The following FBXO10 variants were observed in gnomAD, a reference collection of about 807,000 sequenced individuals.
FBXO10 encodes the protein F-box protein 10, also known as F-box only protein 10.
In FBXO10, 39 loss-of-function variants were observed where a neutral mutation model predicts 80.7. The ratio of observed to expected loss-of-function variants is 0.48; its 90% CI spans 0.37 to 0.63. The LOEUF is 0.63. FBXO10 is among the 30% of genes least tolerant of loss of function. FBXO10 has a pLI of 0.00. For missense variants in FBXO10, 1,025 were observed against 1,269.0 expected, an observed-to-expected ratio of 0.81 and a Z score of 2.92; for synonymous variants, 449 against 489.6, an observed-to-expected ratio of 0.92 and a Z score of 1.09.
intron 1 of FBXO10, among the ~76,000 whole-genome samples, chr9:37,559,943 G>C (rs1822435996): frequency 6.6e-6 from 1 of 152,200 alleles, no homozygotes; most frequent in South Asian, 2.1e-4. Flanking sequence ...GGCTGAAAGA[G>C]CATATGAAAC....
chr9:37,523,031 G>A, intron 6 of FBXO10, 54 bp from the exon 7 acceptor site: 2 of 1,556,868 alleles, frequency 1.3e-6, no homozygotes, highest in Admixed American at 1.9e-5. Context: ...CTCCAGTGCT[G>A]GCAAATAGGA....
At chr9:37,519,960 C>T (rs1172152217) in intron 8 of FBXO10, among the ~76,000 whole-genome samples, 1 of 152,114 alleles carries the variant, frequency 6.6e-6, no homozygotes, top group Non-Finnish European at 1.5e-5. Context: ...GTAGTTGGAA[C>T]TACAGGCATG....
chr9:37,572,052 T>G lies in FBXO10; in HGVS notation c.-7+4159A>C, dbSNP rs114043455. ...GAGAGATCTCTTGAGCCTAGGAGGTTGAGGCTACAGTAAGCCATGATCACG... is the reference window on the plus strand; with the variant it reads ...GAGAGATCTCTTGAGCCTAGGAGGTGGAGGCTACAGTAAGCCATGATCACG... On this transcript the variant is annotated intron_variant, in intron 1 of 10. Transcript: ENST00000432825. Among the ~76,000 whole-genome samples, 1,314 of 151,842 alleles carry G rather than the reference T, an allele frequency of 8.7e-3. 11 individuals are homozygous for G. Among genetic ancestry groups the G allele is most frequent in the African/African-American group, 0.03 (1,229 of 41,368 alleles).
chr9:37,549,973 T>C (rs2119151878), intron 1 of FBXO10, among the ~76,000 whole-genome samples: 1 of 152,196 alleles, frequency 6.6e-6, no homozygotes, highest in South Asian at 2.1e-4. Context: ...CAAAGAACAC[T>C]AAAAACAGTA....
At position 37,525,190 on chromosome 9, in the gene FBXO10, C is replaced by T; in HGVS notation, c.1707-18G>A. The stretch of plus-strand genomic sequence containing the variant: ...GGTTCCCGCTAAAGTGGAAGGAAAA[C>T]AAAACAAAGAGGTGAGCCCAGGGCA... On this transcript the variant is annotated intron_variant, in intron 5 of 10. Coordinates refer to ENST00000432825, the MANE Select transcript of FBXO10 (RefSeq NM_012166.3). The T allele has an allele frequency of 6.4e-7, 1 of 1,556,132 alleles. No individual in the cohort carries two copies. The highest frequency in any genetic ancestry group is 8.7e-7 in the Non-Finnish European group (1 of 1,149,500).
intron 9 of FBXO10, among the ~76,000 whole-genome samples, chr9:37,517,565 G>GACCAAGCCC (rs1821217378): frequency 2.2e-4 from 34 of 151,918 alleles, no homozygotes; most frequent in African/African-American, 6.0e-4. Flanking sequence ...GCTCTGTGAG[G>GACCAAGCCC]TATGTGTGGA....
chr9:37,555,771 T>C (rs1280306923), intron 1 of FBXO10, among the ~76,000 whole-genome samples: 1 of 152,176 alleles, frequency 6.6e-6, no homozygotes, highest in African/African-American at 2.4e-5. Context: ...TCTTTGAATA[T>C]TTTCTCCCAA....
intron 1 of FBXO10, among the ~76,000 whole-genome samples, chr9:37,552,260 C>T (rs542768828): frequency 1.3e-4 from 20 of 152,296 alleles, no homozygotes; most frequent in African/African-American, 4.1e-4. Context: ...ATGCATTATC[C>T]GTTTCCAAGT....
At chr9:37,542,619 G>A (rs995161251) in intron 1 of FBXO10, among the ~76,000 whole-genome samples, 2 of 145,650 alleles carry the variant, frequency 1.4e-5, no homozygotes, top group African/African-American at 5.2e-5. Context: ...AAAAGGATAC[G>A]ACTCCGGAAC....
intron 3 of FBXO10, among the ~76,000 whole-genome samples, chr9:37,535,268 A>G (rs1821729327): frequency 6.6e-6 from 1 of 152,150 alleles, no homozygotes; most frequent in African/African-American, 2.4e-5. Context: ...CTCAGTCCCC[A>G]CTGTCCTACA....
At chr9:37,540,145 G>A (rs976058860) in intron 2 of FBXO10, among the ~76,000 whole-genome samples, 4 of 151,902 alleles carry the variant, frequency 2.6e-5, no homozygotes, top group Non-Finnish European at 5.9e-5. Context: ...ACAAACATGA[G>A]AGACAATTGT....
intron 4 of FBXO10, among the ~76,000 whole-genome samples, 157 bp from the exon 5 acceptor site, chr9:37,529,417 C>T (rs1185718161): frequency 6.6e-6 from 1 of 152,198 alleles, no homozygotes; most frequent in Non-Finnish European, 1.5e-5. Context: ...ATGGGTCACA[C>T]TGCCGCCCTG....
intron 3 of FBXO10, among the ~76,000 whole-genome samples, chr9:37,532,279 G>A (rs565051365): frequency 4.0e-5 from 6 of 150,566 alleles, no homozygotes; most frequent in South Asian, 4.2e-4. Flanking sequence ...GCTCCTTAGC[G>A]GTCTCACATT....
intron 3 of FBXO10, among the ~76,000 whole-genome samples, chr9:37,534,890 T>TG (rs1425046814): frequency 6.6e-6 from 1 of 152,246 alleles, no homozygotes; most frequent in African/African-American, 2.4e-5. Context: ...CCCCTAGTGC[T>TG]GGGGGTAGAG....
intron 7 of FBXO10, 199 bp downstream of exon 7, chr9:37,522,626 C>T (rs1256809154): frequency 2.2e-5 from 27 of 1,224,178 alleles, no homozygotes; most frequent in South Asian, 3.4e-5. Context: ...GCTAACCCCA[C>T]GGGGTCAATC....
intron 1 of FBXO10, among the ~76,000 whole-genome samples, chr9:37,567,408 G>A (rs902475297): frequency 1.5e-4 from 22 of 151,658 alleles, no homozygotes; most frequent in African/African-American, 4.4e-4. Flanking sequence ...GCCTCCCAAA[G>A]TGCTGGGATT....
At chr9:37,559,163 T>G (rs935686310) in intron 1 of FBXO10, among the ~76,000 whole-genome samples, 2 of 152,226 alleles carry the variant, frequency 1.3e-5, no homozygotes, top group African/African-American at 4.8e-5. Context: ...GCAGTGATTC[T>G]TTAATCGTGG....
At position 37,546,237 on chromosome 9, in the gene FBXO10, A is replaced by G. The variant is rs1168154135; in HGVS notation, c.-6-4463T>C. The stretch of plus-strand genomic sequence containing the variant: ...ATTCATTCTGAGGCACTTTCTTACT[A>G]TGGTGTAAGAAGATGGTGCCCAAGC... On this transcript the variant is annotated intron_variant, in intron 1 of 10. Coordinates refer to ENST00000432825, the MANE Select transcript of FBXO10 (RefSeq NM_012166.3). Among the ~76,000 whole-genome samples the G allele has an allele frequency of 3.9e-5, 6 of 151,922 alleles. No individual in the cohort carries two copies. The East Asian group carries it at 1.2e-3, about 29-fold the overall frequency.
intron 1 of FBXO10, among the ~76,000 whole-genome samples, chr9:37,543,872 G>A (rs10814575): frequency 0.5 from 76,241 of 152,134 alleles, 19,935 homozygotes; most frequent in East Asian, 0.68. Context: ...GCTCACGCCT[G>A]TAATCCCAGC....
Sources: gnomAD v4.1 joint callset for allele counts (sites outside exome capture counted in the v4.1 genomes callset) on GRCh38, gnomAD v4.1.1 for gene constraint, MANE v1.5 for transcripts, NCBI Gene and HGNC (gene_info 2026-07-23, HGNC 2026-07-21) for gene names.